RBFOX1: variants seen among roughly 807,000 people sequenced by gnomAD.
RBFOX1 encodes the protein RNA binding protein fox-1 homolog 1.
RBFOX1 carries 8 observed loss-of-function variants against 57.7 expected under a neutral mutation model. That is an observed-to-expected ratio of 0.14 (90% CI 0.08 to 0.25). The LOEUF is 0.25. RBFOX1 is among the 10% of genes least tolerant of loss of function. The probability of loss-of-function intolerance (pLI) is 1.00; values close to 1 mark genes in which losing one functional copy is unlikely to be tolerated. For synonymous variants in RBFOX1, 326 were observed against 222.4 expected (o/e 1.47, Z -4.15); for missense variants, 611 against 548.5 (o/e 1.11, Z -1.14).
intron 1 of RBFOX1, among the ~76,000 whole-genome samples, chr16:6,091,802 C>T (rs928745655): frequency 1.3e-5 from 2 of 152,156 alleles, no homozygotes; most frequent in African/African-American, 4.8e-5. Flanking sequence ...CTGCACTCCA[C>T]CCTGTATGAC....
intron 4 of RBFOX1, among the ~76,000 whole-genome samples, chr16:7,433,287 A>C (rs1306907729): frequency 3.3e-5 from 5 of 152,200 alleles, no homozygotes; most frequent in Non-Finnish European, 7.4e-5. Flanking sequence ...TCCAGTTCTA[A>C]TTCAAACCCT....
At chr16:5,412,633 G>C (rs747962061) in intron 1 of RBFOX1, among the ~76,000 whole-genome samples, 1 of 152,168 alleles carries the variant, frequency 6.6e-6, no homozygotes, top group African/African-American at 2.4e-5. Context: ...AACTCACATC[G>C]AGTCCTTATT....
intron 1 of RBFOX1, among the ~76,000 whole-genome samples, chr16:6,089,130 G>A (rs2096133688): frequency 1.3e-5 from 2 of 151,228 alleles, no homozygotes; most frequent in Admixed American, 1.3e-4. Context: ...AAAGAGTAAT[G>A]ATGGGGAAGG....
intron 4 of RBFOX1, among the ~76,000 whole-genome samples, chr16:5,999,924 T>C (rs1477397070): frequency 4.9e-5 from 4 of 80,994 alleles, no homozygotes; most frequent in Non-Finnish European, 5.0e-5. Context: ...AGAAGGGAAA[T>C]CAGACAAGGA....
intron 3 of RBFOX1, among the ~76,000 whole-genome samples, chr16:5,662,212 A>C (rs1292798382): frequency 6.6e-6 from 1 of 152,150 alleles, no homozygotes; most frequent in Non-Finnish European, 1.5e-5. Context: ...TTGACTATTT[A>C]TACCTTTGAG....
intron 1 of RBFOX1, among the ~76,000 whole-genome samples, chr16:6,311,208 A>G (rs2080253969): frequency 6.7e-6 from 1 of 148,370 alleles, no homozygotes; most frequent in Non-Finnish European, 1.5e-5. Flanking sequence ...AGGCAGAAGA[A>G]TCTCTTGAAC....
intron 3 of RBFOX1, among the ~76,000 whole-genome samples, chr16:6,860,757 C>T (rs151276888): frequency 1.3e-5 from 2 of 151,920 alleles, no homozygotes; most frequent in Non-Finnish European, 2.9e-5. Flanking sequence ...AATCTGAAAA[C>T]CATAATGTTG....
chr16:5,777,006 C>T (rs2054169822), intron 3 of RBFOX1, among the ~76,000 whole-genome samples: 1 of 152,152 alleles, frequency 6.6e-6, no homozygotes, highest in Non-Finnish European at 1.5e-5. Flanking sequence ...TTATGGCCAC[C>T]ATATGGTGTA....
chr16:7,701,160 T>TCAAA (rs1266673931), intron 14 of RBFOX1, among the ~76,000 whole-genome samples: 1 of 147,734 alleles, frequency 6.8e-6, no homozygotes, highest in Non-Finnish European at 1.5e-5. Context: ...GCAATGAAAC[T>TCAAA]CAAACAGAGC....
At chr16:5,427,178 A>T (rs1198444961) in intron 1 of RBFOX1, among the ~76,000 whole-genome samples, 1 of 152,240 alleles carries the variant, frequency 6.6e-6, no homozygotes, top group Non-Finnish European at 1.5e-5. Context: ...TGGGCTCACC[A>T]GAGAATTAGG....
intron 3 of RBFOX1, among the ~76,000 whole-genome samples, chr16:7,036,994 C>G (rs1194497723): frequency 6.6e-6 from 1 of 152,080 alleles, no homozygotes; most frequent in Admixed American, 6.5e-5. Flanking sequence ...CCTGACGTTG[C>G]CATGGCATTT....
intron 11 of RBFOX1, among the ~76,000 whole-genome samples, chr16:7,631,083 T>G (rs761518748): frequency 6.6e-6 from 1 of 152,234 alleles, no homozygotes; most frequent in Non-Finnish European, 1.5e-5. Context: ...TGTACACAGT[T>G]GTCTCACGAT....
intron 3 of RBFOX1, among the ~76,000 whole-genome samples, chr16:5,807,300 G>A (rs977317639): frequency 2.0e-5 from 3 of 152,072 alleles, no homozygotes; most frequent in African/African-American, 7.2e-5. Flanking sequence ...TCAGTTTGAG[G>A]CTCCAACCAC....
At chr16:6,250,411 G>A (rs568871852) in intron 1 of RBFOX1, among the ~76,000 whole-genome samples, 19 of 152,232 alleles carry the variant, frequency 1.2e-4, no homozygotes, top group African/African-American at 3.1e-4. Context: ...TTTGTGATGC[G>A]GAGGTGGGAT....
At chr16:6,570,504 T>C (rs937004866) in intron 2 of RBFOX1, among the ~76,000 whole-genome samples, 1 of 152,196 alleles carries the variant, frequency 6.6e-6, no homozygotes, top group Non-Finnish European at 1.5e-5. Flanking sequence ...TCTATATATA[T>C]ATATACACAC....
intron 3 of RBFOX1, among the ~76,000 whole-genome samples, chr16:6,669,671 G>C (rs777532611): frequency 6.6e-6 from 1 of 152,110 alleles, no homozygotes; most frequent in Non-Finnish European, 1.5e-5. Context: ...TGAGTGTGGT[G>C]AGAACACTTA....
intron 3 of RBFOX1, among the ~76,000 whole-genome samples, chr16:5,672,978 G>A (rs2050058324): frequency 6.6e-6 from 1 of 152,016 alleles, no homozygotes. Flanking sequence ...GGTTGGGTCA[G>A]TAATTGCTCA....
intron 2 of RBFOX1, among the ~76,000 whole-genome samples, chr16:6,576,124 T>G (rs565106306): frequency 5.3e-5 from 8 of 152,294 alleles, no homozygotes; most frequent in Non-Finnish European, 1.2e-4. Context: ...ATGATTAGCA[T>G]CTACTTTATC....
At chr16:7,569,692 T>G (rs1167635841) in intron 5 of RBFOX1, among the ~76,000 whole-genome samples, 1 of 152,154 alleles carries the variant, frequency 6.6e-6, no homozygotes, top group African/African-American at 2.4e-5. Flanking sequence ...ACCACAGGTG[T>G]CTGTTGAGCA....
Sources: allele counts gnomAD v4.1 joint callset (sites outside exome capture counted in the v4.1 genomes callset), GRCh38; gene constraint gnomAD v4.1.1; transcripts MANE v1.5; gene names NCBI Gene and HGNC (gene_info 2026-07-23, HGNC 2026-07-21).